The following MEMO1 variants were observed in gnomAD, a reference collection of about 807,000 sequenced individuals.
The protein encoded by MEMO1 is protein MEMO1.
MEMO1 carries 6 observed loss-of-function variants against 45.2 expected under a neutral mutation model. The ratio of observed to expected loss-of-function variants is 0.13; its 90% CI spans 0.07 to 0.26. The LOEUF is 0.26. Ranked by LOEUF, MEMO1 falls within the 10% of genes least tolerant of loss-of-function variation. MEMO1 has a pLI of 1.00. For synonymous variants in MEMO1, 78 were observed against 124.3 expected, an observed-to-expected ratio of 0.63 and a Z score of 2.48; for missense variants, 184 against 370.5, an observed-to-expected ratio of 0.50 and a Z score of 4.13.
Position 31,923,630 on chromosome 2 carries a change from A to G in MEMO1, c.213-2720T>C, listed in dbSNP as rs748398711. On this transcript the variant is annotated intron_variant, in intron 4 of 9. Transcript: ENST00000404530. ...GGTAGCCTGACTAGGGCCAGGTAGT[A>G]TATGAACCAAGAATCAAATAATGAG... 4.5e-6 allele frequency: 7 copies of G among 1,546,904 alleles called. No individual in the cohort carries two copies. In the South Asian group the frequency reaches 7.2e-5, roughly 16 times the overall value.
Position 31,920,894 on chromosome 2 carries a change from G to C in MEMO1, c.229C>G (p.Leu77Val), listed in dbSNP as rs747033313. Residue 77 changes from leucine (L) to valine (V), a missense_variant, in exon 5 of 10, where the codon CTT (leucine) becomes GTT (valine). This residue lies in a region of MEMO1 where 60 missense variants were observed against 79.2 expected (regional missense o/e 0.76). Coordinates refer to ENST00000404530, the MANE Select transcript of MEMO1 (RefSeq NM_001301833.4). ...DPSITRRIFI[L>V]GPSHHVPLSR... ...AGGGGCACATGATGAGAAGGCCCAA[G>C]GATGAAAATTCTCCGGCTAGGAGAT... is the stretch of plus-strand genomic sequence containing the variant. 6.2e-7 allele frequency: 1 copy of C among 1,611,516 alleles called. No individual in the cohort carries two copies. The highest frequency in any genetic ancestry group is 8.5e-7 in the Non-Finnish European group (1 of 1,178,580).
chr2:31,949,923 A>G (rs969442741), intron 2 of MEMO1, among the ~76,000 whole-genome samples: 1 of 152,156 alleles, frequency 6.6e-6, no homozygotes, highest in Non-Finnish European at 1.5e-5. Context: ...CCCGCAAAAA[A>G]TAAAAATTAA....
intron 2 of MEMO1, among the ~76,000 whole-genome samples, chr2:31,964,228 A>G (rs530097553): frequency 5.9e-5 from 9 of 152,152 alleles, no homozygotes; most frequent in Non-Finnish European, 1.3e-4. Context: ...TTCTTTATAC[A>G]TACACATACA....
chr2:31,958,092 G>A (rs1445330408), intron 2 of MEMO1, among the ~76,000 whole-genome samples: 1 of 151,720 alleles, frequency 6.6e-6, no homozygotes, highest in Non-Finnish European at 1.5e-5. Flanking sequence ...ATGTGCAGGG[G>A]AATAAAAAAA....
At chr2:31,949,503 G>A (rs1421426816) in intron 2 of MEMO1, among the ~76,000 whole-genome samples, 2 of 151,906 alleles carry the variant, frequency 1.3e-5, no homozygotes, top group Non-Finnish European at 2.9e-5. Context: ...GCACCAGAAA[G>A]ACAAACAATG....
At chr2:31,969,809 T>C (rs1669166982) in intron 2 of MEMO1, among the ~76,000 whole-genome samples, 1 of 151,408 alleles carries the variant, frequency 6.6e-6, no homozygotes, top group Non-Finnish European at 1.5e-5. Context: ...GGGATCTTAC[T>C]ATATTGCCCA....
At chr2:31,923,483 TGAA>T in intron 4 of MEMO1, 2 of 787,084 alleles carry the variant, frequency 2.5e-6, no homozygotes, top group East Asian at 6.7e-5. Context: ...GATTTCTAAA[TGAA>T]GAAAAACTAA....
intron 7 of MEMO1, among the ~76,000 whole-genome samples, chr2:31,889,058 T>A (rs949599366): frequency 6.6e-6 from 1 of 152,146 alleles, no homozygotes; most frequent in East Asian, 1.9e-4. Flanking sequence ...ACAAGAAAAA[T>A]CTTTCCAATT....
intron 4 of MEMO1, chr2:31,923,473 G>C: frequency 1.4e-6 from 1 of 716,460 alleles, no homozygotes; most frequent in Non-Finnish European, 2.0e-6. Context: ...CAAATCTATA[G>C]ATTTCTAAAT....
intron 7 of MEMO1, among the ~76,000 whole-genome samples, chr2:31,884,002 A>G (rs769138241): frequency 2.6e-5 from 4 of 151,894 alleles, no homozygotes; most frequent in Non-Finnish European, 5.9e-5. Flanking sequence ...AACTTGGAAA[A>G]GGATCAATAC....
intron 8 of MEMO1, among the ~76,000 whole-genome samples, chr2:31,878,273 A>G (rs1674853614): frequency 6.6e-6 from 1 of 152,170 alleles, no homozygotes; most frequent in African/African-American, 2.4e-5. Context: ...GGGGGCTGCA[A>G]ATCATGTTGG....
In MEMO1 at chr2:31,923,853, T is replaced by C; in HGVS notation, c.213-2943A>G. The C allele has an allele frequency of 5.7e-6, 7 of 1,218,794 alleles. No homozygotes were observed. The South Asian group carries it at 9.2e-5, about 16-fold the overall frequency. 75.5% of individuals were successfully genotyped at this position (1,218,794 alleles called of 1,614,324 possible). A position where few individuals can be genotyped will look rare whatever the true frequency, so the allele number is the denominator to read the frequency against. On this transcript the variant is annotated intron_variant, in intron 4 of 9. Transcript: ENST00000404530. ...TAACAATAGCCAAAAGATACACTGC[T>C]CCAGAAATAAACACCAGAGGTCTGC...
chr2:31,989,057 T>C (rs1671619410), intron 2 of MEMO1, among the ~76,000 whole-genome samples: 1 of 151,502 alleles, frequency 6.6e-6, no homozygotes, highest in Admixed American at 6.6e-5. Flanking sequence ...AAATACAAAA[T>C]TAGCCAGGCA....
At chr2:31,895,373 T>C (rs1298976990) in intron 6 of MEMO1, among the ~76,000 whole-genome samples, 2 of 152,264 alleles carry the variant, frequency 1.3e-5, no homozygotes, top group African/African-American at 4.8e-5. Context: ...CAGGAAGCCA[T>C]GCTCAAAGTT....
intron 2 of MEMO1, among the ~76,000 whole-genome samples, chr2:31,990,554 C>T (rs1054307262): frequency 6.7e-6 from 1 of 150,190 alleles, no homozygotes; most frequent in African/African-American, 2.4e-5. Flanking sequence ...CAGGCTCAAG[C>T]CATCTAAATT....
At chr2:31,915,566 A>G (rs1382933892) in intron 6 of MEMO1, among the ~76,000 whole-genome samples, 1 of 148,932 alleles carries the variant, frequency 6.7e-6, no homozygotes, top group Admixed American at 6.7e-5. Context: ...GAAGGGGGAA[A>G]AAAAAAGAAG....
At chr2:31,970,522 C>T (rs1669255901) in intron 2 of MEMO1, among the ~76,000 whole-genome samples, 1 of 152,074 alleles carries the variant, frequency 6.6e-6, no homozygotes, top group Non-Finnish European at 1.5e-5. Flanking sequence ...TGTTATACAA[C>T]CTGGCTTCCT....
intron 8 of MEMO1, among the ~76,000 whole-genome samples, chr2:31,875,545 T>C (rs2147897166): frequency 6.6e-6 from 1 of 152,246 alleles, no homozygotes; most frequent in South Asian, 2.1e-4. Context: ...AGTCAACCCA[T>C]TAGCAAAGTC....
At chr2:31,903,591 C>G (rs1413894247) in intron 6 of MEMO1, among the ~76,000 whole-genome samples, 1 of 152,104 alleles carries the variant, frequency 6.6e-6, no homozygotes, top group East Asian at 1.9e-4. Context: ...TGCTATTATT[C>G]TGGAGCTCAC....
Sources: gnomAD v4.1 joint callset for allele counts (sites outside exome capture counted in the v4.1 genomes callset) on GRCh38, gnomAD v4.1.1 for gene constraint, gnomAD v4.1.1 regional missense constraint, MANE v1.5 for transcripts, NCBI Gene and HGNC (gene_info 2026-07-23, HGNC 2026-07-21) for gene names.